LHCGR: variants seen among roughly 807,000 people sequenced by gnomAD.
LHCGR encodes the protein luteinizing hormone/choriogonadotropin receptor, also known as lutropin-choriogonadotropic hormone receptor.
Under a neutral mutation model 60.7 loss-of-function variants are expected in LHCGR, and 55 were observed. The ratio of observed to expected loss-of-function variants is 0.91; its 90% confidence interval spans 0.73 to 1.13. The LOEUF is 1.13. Among genes scored for constraint, LHCGR ranks in the 50% most tolerant of loss-of-function variants. The pLI is 0.00. For missense variants in LHCGR, 862 were observed against 836.0 expected (o/e 1.03, Z -0.38); for synonymous variants, 337 against 316.5 (o/e 1.06, Z -0.69).
chr2:48,752,030 C>T (rs1669979392), intron 1 of LHCGR, among the ~76,000 whole-genome samples: 3 of 152,070 alleles, frequency 2.0e-5, no homozygotes, highest in Admixed American at 6.5e-5. Context: ...TTTCCAGTTG[C>T]CTAGAACTAA....
At chr2:48,719,044 C>T (rs939790021) in intron 6 of LHCGR, among the ~76,000 whole-genome samples, 19 of 152,158 alleles carry the variant, frequency 1.2e-4, no homozygotes, top group Admixed American at 9.2e-4. Context: ...GATTCTAGGC[C>T]GGGCATGGTG....
intron 8 of LHCGR, among the ~76,000 whole-genome samples, chr2:48,708,039 T>C (rs1375524939): frequency 6.6e-6 from 1 of 152,174 alleles, no homozygotes; most frequent in African/African-American, 2.4e-5. Context: ...GTACCCACTG[T>C]CCAGCCAGTC....
intron 1 of LHCGR, among the ~76,000 whole-genome samples, chr2:48,754,679 A>T (rs1443226415): frequency 1.3e-5 from 2 of 152,120 alleles, no homozygotes; most frequent in Admixed American, 6.5e-5. Context: ...GTAACTACTA[A>T]TCTACTTTCA....
intron 9 of LHCGR, among the ~76,000 whole-genome samples, chr2:48,697,737 C>A (rs17398191): frequency 6.6e-6 from 1 of 152,012 alleles, no homozygotes; most frequent in Non-Finnish European, 1.5e-5. Flanking sequence ...CAATAATAAC[C>A]CTTTAGGGCA....
intron 1 of LHCGR, among the ~76,000 whole-genome samples, chr2:48,745,771 C>T (rs1209687964): frequency 2.6e-5 from 4 of 151,264 alleles, no homozygotes; most frequent in South Asian, 2.1e-4. Context: ...GGGTGCAGCG[C>T]ACCAGCATGG....
chr2:48,743,444 A>G (rs1234146082), intron 1 of LHCGR, among the ~76,000 whole-genome samples: 1 of 152,222 alleles, frequency 6.6e-6, no homozygotes, highest in Non-Finnish European at 1.5e-5. Context: ...AAAATCCTCA[A>G]TAAAATGCTG....
intron 1 of LHCGR, among the ~76,000 whole-genome samples, chr2:48,743,441 T>G (rs1191176404): frequency 6.6e-6 from 1 of 152,150 alleles, no homozygotes; most frequent in Non-Finnish European, 1.5e-5. Flanking sequence ...ACAAAAATCC[T>G]CAATAAAATG....
chr2:48,745,223 T>C (rs1263963961), intron 1 of LHCGR, among the ~76,000 whole-genome samples: 4 of 152,140 alleles, frequency 2.6e-5, no homozygotes, highest in African/African-American at 9.7e-5. Flanking sequence ...TGTGGAGAAA[T>C]AGGAACACTT....
chr2:48,713,881 A>C (rs970145346), intron 7 of LHCGR, 105 bp downstream of exon 7: 2 of 917,952 alleles, frequency 2.2e-6, no homozygotes, highest in Non-Finnish European at 3.5e-6. Flanking sequence ...GCCACTTGAA[A>C]GTTTATTTTT....
chr2:48,731,347 G>C (rs1348633620), intron 1 of LHCGR, 49 bp from the exon 2 acceptor site: 1 of 1,337,610 alleles, frequency 7.5e-7, no homozygotes, highest in African/African-American at 1.4e-5. Flanking sequence ...ATGATAGGGT[G>C]CCTTTTAAGT....
At chr2:48,731,324 G>T in intron 1 of LHCGR, 26 bp from the exon 2 acceptor site, 3 of 1,553,616 alleles carry the variant, frequency 1.9e-6, no homozygotes, top group South Asian at 1.1e-5. Flanking sequence ...GGAAATCCAA[G>T]AGTTTAAGAT....
chr2:48,709,302 G>C (rs1667861100), intron 7 of LHCGR, among the ~76,000 whole-genome samples: 1 of 152,088 alleles, frequency 6.6e-6, no homozygotes, highest in Non-Finnish European at 1.5e-5. Context: ...TCCTGTCCTG[G>C]AGTTATGAAA....
At chr2:48,730,067 A>G (rs1668923218) in intron 2 of LHCGR, among the ~76,000 whole-genome samples, 1 of 152,234 alleles carries the variant, frequency 6.6e-6, no homozygotes, top group Non-Finnish European at 1.5e-5. Flanking sequence ...AGTTGAAAAA[A>G]AAGTCTCAAA....
At chr2:48,721,370 T>A (rs955329779) in intron 6 of LHCGR, 1 of 208,602 alleles carries the variant, frequency 4.8e-6, no homozygotes, top group Non-Finnish European at 9.9e-6. Flanking sequence ...GTGAGGGAAG[T>A]GGCAGGAGTG....
At chr2:48,746,778 A>G (rs1032462815) in intron 1 of LHCGR, among the ~76,000 whole-genome samples, 1 of 152,236 alleles carries the variant, frequency 6.6e-6, no homozygotes, top group African/African-American at 2.4e-5. Context: ...AAATAACCCA[A>G]TCTCTATCTC....
At chr2:48,727,547 C>T (rs1668790319) in intron 3 of LHCGR, among the ~76,000 whole-genome samples, 2 of 152,190 alleles carry the variant, frequency 1.3e-5, no homozygotes, top group South Asian at 4.1e-4. Context: ...TCATTAGCTG[C>T]CCTGGTGGTT....
Position 48,687,653 on chromosome 2 carries a change from A to G in LHCGR, c.*44T>C. On this transcript the variant is annotated 3_prime_UTR_variant, in exon 11 of 11. Coordinates refer to ENST00000294954, the MANE Select transcript of LHCGR (RefSeq NM_000233.4). ...TTACTGGTACAGGTAATTTTTTTTT[A>G]CAGGTTTAAGAACAATTCAATAATG... The G allele has an allele frequency of 6.7e-7, 1 of 1,500,766 alleles. No homozygotes were observed. Among genetic ancestry groups the G allele is most frequent in the Non-Finnish European group, 9.2e-7 (1 of 1,081,570 alleles). The allele number at this position is 1,500,766 out of a possible 1,614,324, so 93.0% of individuals were successfully genotyped here. A position where few individuals can be genotyped will look rare whatever the true frequency, so the allele number is the denominator to read the frequency against.
At position 48,755,531 on chromosome 2, in the gene LHCGR, G is replaced by A. The variant is rs1228233692; in HGVS notation, c.141C>T (p.Pro47=). The A allele has an allele frequency of 6.5e-7, 1 of 1,540,978 alleles. No homozygotes were observed. Among genetic ancestry groups the A allele is most frequent in the Admixed American group, 2.0e-5 (1 of 50,680 alleles). Reference sequence around the variant, plus strand: ...CTCACAGTCGAGTGAGACCGGCCGTGGGGCCGGGGCAGCGCAGGGCGCCGT... The same window carrying A: ...CTCACAGTCGAGTGAGACCGGCCGTAGGGCCGGGGCAGCGCAGGGCGCCGT... The part of the protein sequence containing the change: ...VPDGALRCPG[P]TAGLTRLSLA... Residue 47 remains proline, a synonymous_variant, in exon 1 of 11, where the codon CCC becomes CCT. Coordinates refer to ENST00000294954, the MANE Select transcript of LHCGR (RefSeq NM_000233.4).
At chr2:48,693,072 A>C (rs1666937556) in intron 10 of LHCGR, among the ~76,000 whole-genome samples, 2 of 152,158 alleles carry the variant, frequency 1.3e-5, no homozygotes, top group African/African-American at 4.8e-5. Context: ...CTATATCCAT[A>C]AATGTTTTCT....
Sources: allele counts gnomAD v4.1 joint callset (sites outside exome capture counted in the v4.1 genomes callset), GRCh38; gene constraint gnomAD v4.1.1; transcripts MANE v1.5; gene names NCBI Gene and HGNC (gene_info 2026-07-23, HGNC 2026-07-21).